The following FGGY variants were observed in gnomAD, a reference collection of about 807,000 sequenced individuals.
FGGY encodes FGGY carbohydrate kinase domain containing.
FGGY carries 72 observed loss-of-function variants against 71.3 expected under a neutral mutation model. That is an observed-to-expected ratio of 1.01 (90% CI 0.84 to 1.23). The LOEUF is 1.23. Among genes scored for constraint, FGGY ranks in the 50% most tolerant of loss-of-function variants. The pLI, the probability that FGGY is intolerant of heterozygous loss-of-function variation, is 0.00. For missense variants in FGGY, 668 were observed against 682.3 expected (o/e 0.98, Z 0.23); for synonymous variants, 251 against 250.3 (o/e 1.00, Z -0.02).
At chr1:59,518,623 T>C (rs944575779) in intron 7 of FGGY, among the ~76,000 whole-genome samples, 1 of 152,210 alleles carries the variant, frequency 6.6e-6, no homozygotes, top group Non-Finnish European at 1.5e-5. Flanking sequence ...CTCATGATAG[T>C]GCATGAGTTC....
At position 59,522,470 on chromosome 1, in the gene FGGY, A is replaced by G. The variant is rs946147790; in HGVS notation, c.799+10031A>G. Among the ~76,000 whole-genome samples, 15 of 152,342 alleles carry G rather than the reference A, an allele frequency of 9.8e-5. 1 individual carries two copies. Among genetic ancestry groups the G allele is most frequent in the Admixed American group, 7.2e-4 (11 of 15,302 alleles). On this transcript the variant is annotated intron_variant, in intron 7 of 15. Transcript: ENST00000303721. ...TAATAAAGTGTATTTAAAGCAGCAC[A>G]GGAGTCTGGGTTCCATCAATCATGG... is the stretch of plus-strand genomic sequence containing the variant.
rs542760456 is a variant in FGGY at position 59,686,064 on chromosome 1, T to C, written c.1512+11931T>C. Among the ~76,000 whole-genome samples the C allele has an allele frequency of 4.7e-4, 72 of 152,324 alleles. 1 individual carries two copies. The South Asian group carries it at 0.015, about 32-fold the overall frequency. Reference sequence around the variant, plus strand: ...TTATAGAAGAAGGCAGAATTCATTATATACCACCTTGCTGAGAGCCCAGAT... The same window carrying C: ...TTATAGAAGAAGGCAGAATTCATTACATACCACCTTGCTGAGAGCCCAGAT... On this transcript the variant is annotated intron_variant, in intron 14 of 15. Coordinates refer to ENST00000303721, the MANE Select transcript of FGGY (RefSeq NM_018291.5).
intron 14 of FGGY, among the ~76,000 whole-genome samples, chr1:59,750,930 C>T (rs1357363026): frequency 6.6e-6 from 1 of 151,214 alleles, no homozygotes; most frequent in Non-Finnish European, 1.5e-5. Context: ...GGTACAGTGT[C>T]CTGTATTGAT....
chr1:59,553,215 GTC>G (rs751794294), intron 7 of FGGY, among the ~76,000 whole-genome samples: 1 of 152,202 alleles, frequency 6.6e-6, no homozygotes, highest in Non-Finnish European at 1.5e-5. Flanking sequence ...CTGTGTCCAA[GTC>G]TCTGCGTCCT....
chr1:59,554,435 T>A (rs1341238049), intron 8 of FGGY, among the ~76,000 whole-genome samples: 2 of 152,174 alleles, frequency 1.3e-5, no homozygotes, highest in Non-Finnish European at 2.9e-5. Context: ...AAATTCTTAG[T>A]AAGCATGAAA....
chr1:59,641,466 C>T, intron 11 of FGGY: 2 of 794,350 alleles, frequency 2.5e-6, no homozygotes, highest in South Asian at 3.3e-5. Flanking sequence ...AGAAAAGTAC[C>T]TATCCTAAGT....
intron 6 of FGGY, among the ~76,000 whole-genome samples, chr1:59,510,566 C>T (rs1183188071): frequency 6.6e-6 from 1 of 152,210 alleles, no homozygotes; most frequent in Non-Finnish European, 1.5e-5. Flanking sequence ...GCATCTTATA[C>T]TTATCCTCCA....
At chr1:59,558,685 A>G (rs528964564) in intron 8 of FGGY, among the ~76,000 whole-genome samples, 2 of 152,300 alleles carry the variant, frequency 1.3e-5, no homozygotes, top group East Asian at 3.9e-4. Flanking sequence ...ACAGGGTTCA[A>G]GAGCAGAGAA....
intron 8 of FGGY, among the ~76,000 whole-genome samples, chr1:59,594,125 T>C (rs1324928534): frequency 3.3e-5 from 5 of 152,168 alleles, no homozygotes; most frequent in Non-Finnish European, 7.4e-5. Flanking sequence ...GCAACCCTCA[T>C]CTGGCATGGA....
intron 5 of FGGY, among the ~76,000 whole-genome samples, chr1:59,392,172 G>A (rs1437474764): frequency 4.6e-5 from 7 of 152,150 alleles, no homozygotes; most frequent in Non-Finnish European, 1.0e-4. Context: ...CTTACCCAGG[G>A]TGGCTAACTC....
chr1:59,495,473 T>A (rs561776566), intron 6 of FGGY, among the ~76,000 whole-genome samples: 8 of 152,094 alleles, frequency 5.3e-5, no homozygotes, highest in Non-Finnish European at 1.0e-4. Context: ...AGGTTTTATA[T>A]CTAAGTCTTT....
chr1:59,390,710 A>G (rs535074633), intron 5 of FGGY, among the ~76,000 whole-genome samples: 4 of 152,164 alleles, frequency 2.6e-5, no homozygotes, highest in Non-Finnish European at 4.4e-5. Context: ...GGGAGAATTG[A>G]TATGGGGTGG....
intron 8 of FGGY, among the ~76,000 whole-genome samples, chr1:59,587,279 C>T (rs2096316521): frequency 6.6e-6 from 1 of 152,090 alleles, no homozygotes; most frequent in African/African-American, 2.4e-5. Context: ...CTTAGGTAAG[C>T]AAAGCAGCCT....
chr1:59,590,750 A>G (rs890178344), intron 8 of FGGY, among the ~76,000 whole-genome samples: 1 of 152,226 alleles, frequency 6.6e-6, no homozygotes, highest in African/African-American at 2.4e-5. Flanking sequence ...GCCTTATGCT[A>G]AAAACTCTCA....
At chr1:59,403,806 GGCT>G (rs1322423308) in intron 5 of FGGY, among the ~76,000 whole-genome samples, 2 of 152,188 alleles carry the variant, frequency 1.3e-5, no homozygotes, top group African/African-American at 4.8e-5. Flanking sequence ...CAGACTGCAT[GGCT>G]GTAAGCCCCG....
chr1:59,629,175 C>T (rs887025400), intron 10 of FGGY, among the ~76,000 whole-genome samples: 1 of 151,864 alleles, frequency 6.6e-6, no homozygotes, highest in Non-Finnish European at 1.5e-5. Flanking sequence ...TGTAACAAAC[C>T]TGTACATTGT....
chr1:59,472,482 G>A (rs1348276232), intron 6 of FGGY, among the ~76,000 whole-genome samples: 2 of 152,210 alleles, frequency 1.3e-5, no homozygotes, highest in African/African-American at 4.8e-5. Flanking sequence ...GCACGGCGCG[G>A]GACTGGCAGG....
intron 14 of FGGY, chr1:59,698,651 C>G (rs2097684523): frequency 1.6e-6 from 1 of 640,746 alleles, no homozygotes; most frequent in Admixed American, 6.3e-5. Flanking sequence ...TTTCTTGCTT[C>G]TGACCCACCT....
chr1:59,645,035 A>C (rs531056317), intron 11 of FGGY, among the ~76,000 whole-genome samples: 104 of 152,132 alleles, frequency 6.8e-4, no homozygotes, highest in Non-Finnish European at 1.1e-3. Flanking sequence ...TGCATGTTTT[A>C]GGGATTTTTT....
Sources: allele counts gnomAD v4.1 joint callset (sites outside exome capture counted in the v4.1 genomes callset), GRCh38; gene constraint gnomAD v4.1.1; transcripts MANE v1.5; gene names NCBI Gene and HGNC (gene_info 2026-07-23, HGNC 2026-07-21).